Variants in GOLGB1 observed in about 807,000 individuals in gnomAD.
GOLGB1 encodes golgin subfamily B member 1.
In GOLGB1, 174 loss-of-function variants were observed where a neutral mutation model predicts 336.9. The ratio of observed to expected loss-of-function variants is 0.52; its 90% CI spans 0.46 to 0.59. The LOEUF (loss-of-function observed/expected upper bound fraction) is 0.59, where lower values mean the gene tolerates loss of function less well. Among genes scored for constraint, GOLGB1 ranks in the 20% least tolerant of loss-of-function variants. The pLI, the probability that GOLGB1 is intolerant of heterozygous loss-of-function variation, is 0.00. For synonymous variants in GOLGB1, 1,208 were observed against 1,289.2 expected, an observed-to-expected ratio of 0.94 and a Z score of 1.35; for missense variants, 3,331 against 3,645.3, an observed-to-expected ratio of 0.91 and a Z score of 2.22.
At chr3:121,716,705 G>C in intron 9 of GOLGB1, 32 bp downstream of exon 9, 2 of 1,543,192 alleles carry the variant, frequency 1.3e-6, no homozygotes, top group Non-Finnish European at 1.8e-6. Flanking sequence ...AGATGGTAGA[G>C]ATGTGGACTT....
intron 17 of GOLGB1, among the ~76,000 whole-genome samples, chr3:121,675,601 G>A (rs1238592863): frequency 6.6e-6 from 1 of 152,186 alleles, no homozygotes; most frequent in Admixed American, 6.5e-5. Flanking sequence ...TTCTAAGTGG[G>A]TAGGAGTGAA....
intron 11 of GOLGB1, among the ~76,000 whole-genome samples, chr3:121,700,274 T>A (rs1279556083): frequency 6.6e-6 from 1 of 152,130 alleles, no homozygotes; most frequent in Non-Finnish European, 1.5e-5. Context: ...CTTACAATGT[T>A]CTTCAATGTT....
chr3:121,701,150 G>A (rs1943371645), intron 11 of GOLGB1, among the ~76,000 whole-genome samples: 1 of 152,148 alleles, frequency 6.6e-6, no homozygotes, highest in African/African-American at 2.4e-5. Flanking sequence ...CAAGGTAAAA[G>A]TAATCTATGA....
chr3:121,704,124 A>AT (rs1943624731), intron 10 of GOLGB1, among the ~76,000 whole-genome samples: 1 of 152,048 alleles, frequency 6.6e-6, no homozygotes, highest in African/African-American at 2.4e-5. Flanking sequence ...AATAAAAAAA[A>AT]TTGAAAAAAA....
intron 1 of GOLGB1, among the ~76,000 whole-genome samples, chr3:121,737,768 A>T (rs1388526290): frequency 2.0e-5 from 3 of 152,172 alleles, no homozygotes; most frequent in African/African-American, 4.8e-5. Context: ...AATAGTGTTT[A>T]GGGCAGCCAT....
rs1942557879 is a variant in GOLGB1, at chr3:121,692,686, A to T, written c.6783-105T>A. The T allele has an allele frequency of 2.5e-5, 16 of 628,576 alleles. 1 individual carries two copies. The South Asian group carries it at 3.6e-4, about 14-fold the overall frequency. 38.9% of individuals were successfully genotyped at this position (628,576 alleles called of 1,614,324 possible). On this transcript the variant is annotated intron_variant, in intron 13 of 21. Transcript: ENST00000614479. ...ACTCAATAGATTTACAAATGAATTA[A>T]CATTCATAACAGGTGTTAAATATTT...
rs769909485 is a variant in GOLGB1, at chr3:121,676,873, G to A, written c.9177+20C>T. 4 of 1,609,778 alleles carry A rather than the reference G, an allele frequency of 2.5e-6. No individual in the cohort carries two copies. The highest frequency in any genetic ancestry group is 3.4e-6 in the Non-Finnish European group (4 of 1,176,214). On this transcript the variant is annotated intron_variant, in intron 17 of 21. Transcript: ENST00000614479. ...CATGGAAAAAAGAAACTGAATTCCA[G>A]TCTAACAAGAAACACTTACGTTGCT...
Position 121,698,655 on chromosome 3 carries a change from G to C in GOLGB1, c.1868C>G (p.Thr623Arg). The change falls in exon 13 of 22, where the codon ACA becomes AGA. Residue 623 changes from threonine to arginine, a missense_variant. Transcript: ENST00000614479. The part of the protein sequence containing the change: ...PIKMKVFLED[T>R]GQDFPLMPNE... Reference sequence around the variant, plus strand: ...TGGCATTAAGGGAAAATCTTGCCCTGTATCTTCAAGAAATACTTTCATTTT... The same window carrying C: ...TGGCATTAAGGGAAAATCTTGCCCTCTATCTTCAAGAAATACTTTCATTTT... 1 of 1,613,788 alleles carries C rather than the reference G, an allele frequency of 6.2e-7. No homozygotes were observed. Among genetic ancestry groups the C allele is most frequent in the Admixed American group, 1.7e-5 (1 of 59,990 alleles).
chr3:121,741,147 T>C (rs1361661317), intron 1 of GOLGB1, among the ~76,000 whole-genome samples: 2 of 152,148 alleles, frequency 1.3e-5, no homozygotes, highest in African/African-American at 4.8e-5. Context: ...AGACAAAATG[T>C]TATGAACGAG....
At chr3:121,739,841 A>G (rs1476064928) in intron 1 of GOLGB1, among the ~76,000 whole-genome samples, 1 of 152,208 alleles carries the variant, frequency 6.6e-6, no homozygotes, top group African/African-American at 2.4e-5. Flanking sequence ...GGTTAAACAA[A>G]CTGGTACATA....
chr3:121,675,058 G>T (rs1006577333), intron 17 of GOLGB1, among the ~76,000 whole-genome samples: 7 of 150,668 alleles, frequency 4.6e-5, no homozygotes, highest in Admixed American at 1.3e-4. Context: ...GGATGGTCTC[G>T]ATCTCCTGAC....
chr3:121,698,743 C>G lies in GOLGB1; in HGVS notation c.1780G>C (p.Asp594His), dbSNP rs749233499. The change falls in exon 13 of 22, where the codon GAT becomes CAT. Residue 594 changes from aspartate (D) to histidine (H), a missense_variant. Transcript: ENST00000614479. Reference sequence around the variant, plus strand: ...TCTTTCTGGTCAAGGACCTCATGATCTGCTTCCTCAGCCCTTTTTCCCTGG... The same window carrying G: ...TCTTTCTGGTCAAGGACCTCATGATGTGCTTCCTCAGCCCTTTTTCCCTGG... ...QLQGKRAEEA[D>H]HEVLDQKEMK... The G allele has an allele frequency of 4.3e-6, 7 of 1,613,510 alleles. No individual in the cohort carries two copies. The highest frequency in any genetic ancestry group is 5.9e-6 in the Non-Finnish European group (7 of 1,179,686).
At chr3:121,704,648 C>T (rs6794677) in intron 10 of GOLGB1, among the ~76,000 whole-genome samples, 105,426 of 151,650 alleles carry the variant, frequency 0.7, 37,432 homozygotes, top group East Asian at 0.86. Context: ...TGGTGACTCA[C>T]GCCTGTAATC....
intron 14 of GOLGB1, among the ~76,000 whole-genome samples, chr3:121,686,864 A>G (rs1560199676): frequency 6.6e-6 from 1 of 152,196 alleles, no homozygotes; most frequent in East Asian, 1.9e-4. Flanking sequence ...TGAAGATAAT[A>G]TGGGTAAGTA....
In GOLGB1 at chr3:121,694,580, G is replaced by A; in HGVS notation, c.5943C>T (p.Val1981=). 1 of 1,612,036 alleles carries A rather than the reference G, an allele frequency of 6.2e-7. No homozygotes were observed. Among genetic ancestry groups the A allele is most frequent in the Non-Finnish European group, 8.5e-7 (1 of 1,179,854 alleles). Residue 1981 remains valine, a synonymous_variant, in exon 13 of 22, where the codon GTC becomes GTT. Transcript: ENST00000614479. The stretch of plus-strand genomic sequence containing the variant: ...CTGATTCCACCTTAGTTTTTTCCTT[G>A]ACTAACTGCTGCTTTTCTTCTTCCA... ...SELEEEKQQL[V]KEKTKVESEI...
rs989665205 is a variant in GOLGB1, at chr3:121,702,475, A to G, written c.1519+6T>C. On this transcript the variant is annotated splice_donor_region_variant and intron_variant, in intron 11 of 21. Transcript: ENST00000614479. ...ACAGAGAATTATGGTTTTCTTTTAT[A>G]CATACCATTCTCAGCTTTCAGCTCC... 1.5e-6 allele frequency: 2 copies of G among 1,349,284 alleles called. No individual in the cohort carries two copies. Among genetic ancestry groups the G allele is most frequent in the Admixed American group, 5.2e-5 (2 of 38,198 alleles). 83.6% of individuals were successfully genotyped at this position (1,349,284 alleles called of 1,614,324 possible).
At chr3:121,746,914 T>C (rs1051239935) in intron 1 of GOLGB1, among the ~76,000 whole-genome samples, 63 of 151,938 alleles carry the variant, frequency 4.1e-4, no homozygotes, top group Non-Finnish European at 4.7e-4. Flanking sequence ...TCTTGGTGGG[T>C]GAAGATACAC....
At position 121,663,733 on chromosome 3, in the gene GOLGB1, T is replaced by A. The variant is rs943126645; in HGVS notation, c.*747A>T. The A allele has an allele frequency of 2.0e-5, 3 of 152,188 alleles. No individual in the cohort carries two copies. Among genetic ancestry groups the A allele is most frequent in the Non-Finnish European group, 4.4e-5 (3 of 68,048 alleles). 9.4% of individuals were successfully genotyped at this position (152,188 alleles called of 1,614,324 possible). ...AATGACAAGAATTGGAACCCTGCTG[T>A]CCATAGACACTTCTCCCTGCCCTTT... On this transcript the variant is annotated 3_prime_UTR_variant, in exon 22 of 22. Coordinates refer to ENST00000614479, the MANE Select transcript of GOLGB1 (RefSeq NM_001366282.2).
Position 121,691,200 on chromosome 3 carries a change from G to C in GOLGB1, c.8164C>G (p.Gln2722Glu). The C allele has an allele frequency of 6.2e-7, 1 of 1,613,724 alleles. No individual in the cohort carries two copies. Among genetic ancestry groups the C allele is most frequent in the Non-Finnish European group, 8.5e-7 (1 of 1,179,950 alleles). ...TCTTTGGTGACCATGAGTAATTTCT[G>C]TTCCATCTCCACCAAATCTCTTGCT... ...ELARDLVEMEQKLLMVTKENK... is the reference protein window; with the variant it reads ...ELARDLVEMEEKLLMVTKENK... Residue 2722 changes from glutamine to glutamate, a missense_variant, in exon 14 of 22, where the codon CAG becomes GAG. Coordinates refer to ENST00000614479, the MANE Select transcript of GOLGB1 (RefSeq NM_001366282.2).
Sources: allele counts gnomAD v4.1 joint callset (sites outside exome capture counted in the v4.1 genomes callset), GRCh38; gene constraint gnomAD v4.1.1; transcripts MANE v1.5; gene names NCBI Gene and HGNC (gene_info 2026-07-23, HGNC 2026-07-21).